The following CIZ1 variants were observed in gnomAD, a reference collection of about 807,000 sequenced individuals.
The protein encoded by CIZ1 is cip1-interacting zinc finger protein.
A neutral mutation model predicts 118.6 loss-of-function variants in CIZ1; 58 were observed. The ratio of observed to expected loss-of-function variants is 0.49; its 90% CI spans 0.40 to 0.61. The LOEUF is 0.61. Ranked by LOEUF, CIZ1 falls within the 20% of genes least tolerant of loss-of-function variation. CIZ1 has a pLI of 0.00. For missense variants in CIZ1, 921 were observed against 1,115.9 expected (o/e 0.83, Z 2.49); for synonymous variants, 448 against 443.4 (o/e 1.01, Z -0.13).
At chr9:128,188,719 C>T (rs561310205) in intron 3 of CIZ1, among the ~76,000 whole-genome samples, 15 of 152,230 alleles carry the variant, frequency 9.9e-5, no homozygotes, top group African/African-American at 1.4e-4. Context: ...CAGCAACCCC[C>T]GCCTCCTGGG....
upstream of CIZ1, among the ~76,000 whole-genome samples, chr9:128,192,664 T>C (rs1245265361): frequency 6.6e-6 from 1 of 152,174 alleles, no homozygotes; most frequent in African/African-American, 2.4e-5. Flanking sequence ...CGCCTCAGCT[T>C]CCAGAATACC....
rs1588256339 is a variant in CIZ1 at position 128,189,773 on chromosome 9, T to C, written c.286+556A>G. ...AACCGGAGGTTGCAGTGAGCCAAGA[T>C]TGCACCATTGCACTCCACTCCAGCC... On this transcript the variant is annotated intron_variant, in intron 3 of 16. Coordinates refer to ENST00000372938, the MANE Select transcript of CIZ1 (RefSeq NM_001131016.2). Among the ~76,000 whole-genome samples, 3 of 126,348 alleles carry C rather than the reference T, an allele frequency of 2.4e-5. No homozygotes were observed. In the East Asian group the frequency reaches 6.7e-4, roughly 28 times the overall value. The allele number at this position is 126,348 out of a possible 152,430, so 82.9% of individuals were successfully genotyped here. A position where few individuals can be genotyped will look rare whatever the true frequency, so the allele number is the denominator to read the frequency against.
chr9:128,176,574 C>T (rs556190736), intron 10 of CIZ1, 99 bp from the exon 11 acceptor site: 76 of 1,222,662 alleles, frequency 6.2e-5, no homozygotes, highest in Non-Finnish European at 7.3e-5. Flanking sequence ...CATCACTGTG[C>T]GCCCATTTCT....
chr9:128,167,802 C>G (rs1216132817), intron 14 of CIZ1: 1 of 153,884 alleles, frequency 6.5e-6, no homozygotes, highest in Non-Finnish European at 1.5e-5. Flanking sequence ...ACCAGGCAAA[C>G]AAATGTGGCT....
Position 128,179,286 on chromosome 9 carries a change from C to T in CIZ1, c.921G>A (p.Val307=). 3.7e-6 allele frequency: 6 copies of T among 1,614,134 alleles called. No individual in the cohort carries two copies. Among genetic ancestry groups the T allele is most frequent in the Non-Finnish European group, 5.1e-6 (6 of 1,180,040 alleles). ...DLLPEALEAQ[V]LPRFQPRVLQ... The stretch of plus-strand genomic sequence containing the variant: ...GGACCCGTGGCTGGAATCGTGGCAG[C>T]ACTTGGGCTTCCAGGGCCTCAGGCA... The change falls in exon 8 of 17, where the codon GTG becomes GTA. Residue 307 remains valine (V), a synonymous_variant. Coordinates refer to ENST00000372938, the MANE Select transcript of CIZ1 (RefSeq NM_001131016.2).
At chr9:128,172,466 C>G (rs971071906) in intron 11 of CIZ1, among the ~76,000 whole-genome samples, 1 of 152,050 alleles carries the variant, frequency 6.6e-6, no homozygotes, top group African/African-American at 2.4e-5. Flanking sequence ...GCACTCCAGC[C>G]TGGGCAACGG....
chr9:128,176,509 G>T, intron 10 of CIZ1, 34 bp from the exon 11 acceptor site: 1 of 1,605,542 alleles, frequency 6.2e-7, no homozygotes, highest in Non-Finnish European at 8.5e-7. Context: ...TGGGCCTGGG[G>T]CGTGAGCCCA....
rs45487300 is a variant in CIZ1, at chr9:128,174,563, C to T, written c.1943+1788G>A. Reference sequence around the variant, plus strand: ...AATTAGAATTTTTTTCACTTACAACCGCGAAGAACCCCCACTGATGCAGGA... The same window carrying T: ...AATTAGAATTTTTTTCACTTACAACTGCGAAGAACCCCCACTGATGCAGGA... On this transcript the variant is annotated intron_variant, in intron 11 of 16. Transcript: ENST00000372938. 1.2e-3 allele frequency among the ~76,000 whole-genome samples: 182 copies of T among 152,228 alleles called. 2 individuals are homozygous for T. The highest frequency in any genetic ancestry group is 4.2e-3 in the African/African-American group (175 of 41,520).
chr9:128,203,537 A>C lies in CIZ1; in HGVS notation c.-6+649T>G. On this transcript the variant is annotated intron_variant, in intron 1 of 17. Transcript: ENST00000372948. The surrounding 1 kb of genome is among the most constrained non-coding windows in gnomAD (Gnocchi z 5.3). ...CCGGCTGCAAGACGCCTTCTCTGCC[A>C]TCGGCCAGAACGCGGACCTCGACCT... 6.5e-7 allele frequency: 1 copy of C among 1,546,278 alleles called. No individual in the cohort carries two copies. The highest frequency in any genetic ancestry group is 8.7e-7 in the Non-Finnish European group (1 of 1,149,550).
Position 128,167,131 on chromosome 9 carries a change from T to G in CIZ1, c.2329A>C (p.Lys777Gln). 1 of 1,602,842 alleles carries G rather than the reference T, an allele frequency of 6.2e-7. No individual in the cohort carries two copies. Among genetic ancestry groups the G allele is most frequent in the Non-Finnish European group, 8.5e-7 (1 of 1,174,510 alleles). ...RSRDISREEW[K>Q]GSETYSPNTA... The stretch of plus-strand genomic sequence containing the variant: ...TTGGGGCTGTAGGTCTCCGAGCCCT[T>G]CCACTCCTCTCTGGATATATCTCTG... Residue 777 changes from lysine to glutamine, a missense_variant, in exon 15 of 17, where the codon AAG becomes CAG. Coordinates refer to ENST00000372938, the MANE Select transcript of CIZ1 (RefSeq NM_001131016.2).
intron 14 of CIZ1, chr9:128,168,603 T>C (rs1045745355): frequency 2.5e-5 from 4 of 157,506 alleles, no homozygotes; most frequent in Admixed American, 1.2e-4. Flanking sequence ...AGCTGCGGCA[T>C]TGGAAACATG....
chr9:128,169,692 T>C, intron 12 of CIZ1, 173 bp from the exon 13 acceptor site: 1 of 1,536,362 alleles, frequency 6.5e-7, no homozygotes, highest in South Asian at 1.2e-5. Context: ...CTCTTCGTGG[T>C]GTGGGTGGCT....
intron 11 of CIZ1, among the ~76,000 whole-genome samples, chr9:128,171,650 T>C (rs978434241): frequency 2.0e-5 from 3 of 151,554 alleles, no homozygotes; most frequent in African/African-American, 4.9e-5. Flanking sequence ...GGCAGGAGAA[T>C]TGCTTGAACC....
intron 1 of CIZ1, among the ~76,000 whole-genome samples, chr9:128,198,741 G>C (rs541593678): frequency 1.3e-3 from 203 of 152,046 alleles, no homozygotes; most frequent in Non-Finnish European, 1.3e-3. Flanking sequence ...CTGAGGCAGG[G>C]GAATCGCTTG....
rs1833417030 is a variant in CIZ1 at position 128,197,896 on chromosome 9, C to T, written c.-6+6290G>A. The T allele has an allele frequency of 2.0e-5, 3 of 152,304 alleles. No homozygotes were observed. The South Asian group carries it at 6.2e-4, about 32-fold the overall frequency. The allele number at this position is 152,304 out of a possible 1,614,324, so 9.4% of individuals were successfully genotyped here. On this transcript the variant is annotated intron_variant, in intron 1 of 17. Coordinates refer to the CIZ1 transcript ENST00000372948. The stretch of plus-strand genomic sequence containing the variant: ...TATGAGTTAGGGGTTATTATAATCC[C>T]CCTTTTACAGATGAAGAAACTGAAG...
chr9:128,187,986 C>T, intron 3 of CIZ1, 52 bp from the exon 4 acceptor site: 1 of 588,782 alleles, frequency 1.7e-6, no homozygotes, highest in Non-Finnish European at 3.2e-6. Context: ...AACATCCATC[C>T]CCCCTGACTC....
chr9:128,176,633 T>A (rs1830887462), intron 10 of CIZ1, among the ~76,000 whole-genome samples, 158 bp from the exon 11 acceptor site: 1 of 152,122 alleles, frequency 6.6e-6, no homozygotes, highest in South Asian at 2.1e-4. Context: ...CATGATAAAC[T>A]AAGACACAGG....
In CIZ1 at chr9:128,179,378, A is replaced by T; in HGVS notation, c.829T>A (p.Leu277Ile). The change falls in exon 8 of 17, where the codon TTA becomes ATA. Residue 277 changes from leucine (L) to isoleucine (I), a missense_variant. Transcript: ENST00000372938. The part of the protein sequence containing the change: ...EPTEKEPPGQ[L>I]QVKAQPQARM... The stretch of plus-strand genomic sequence containing the variant: ...GCCTGCGGCTGGGCCTTCACCTGTA[A>T]CTGCCCTGGAGGTTCCTTCTCTGTG... 6.2e-7 allele frequency: 1 copy of T among 1,611,944 alleles called. No homozygotes were observed. The highest frequency in any genetic ancestry group is 8.5e-7 in the Non-Finnish European group (1 of 1,179,130).
At chr9:128,170,708 C>A (rs1830023136) in intron 11 of CIZ1, among the ~76,000 whole-genome samples, 1 of 152,198 alleles carries the variant, frequency 6.6e-6, no homozygotes, top group African/African-American at 2.4e-5. Flanking sequence ...ATAGATTATA[C>A]AACAAATTAT....
Sources: allele counts gnomAD v4.1 joint callset (sites outside exome capture counted in the v4.1 genomes callset), GRCh38; gene constraint gnomAD v4.1.1; non-coding constraint Gnocchi (gnomAD v3.1); transcripts MANE v1.5; gene names NCBI Gene and HGNC (gene_info 2026-07-23, HGNC 2026-07-21).